GTF2I: variants seen among roughly 807,000 people sequenced by gnomAD.
GTF2I encodes general transcription factor IIi, also known as general transcription factor II-I.
In GTF2I, 12 loss-of-function variants were observed where a neutral mutation model predicts 67.6. That is an observed-to-expected ratio of 0.18 (90% CI 0.11 to 0.29). The LOEUF is 0.29. Among genes scored for constraint, GTF2I ranks in the 10% least tolerant of loss-of-function variants. The pLI is 1.00. For synonymous variants in GTF2I, 149 were observed against 197.0 expected (o/e 0.76, Z 2.04); for missense variants, 271 against 580.1 (o/e 0.47, Z 5.47).
chr7:74,713,397 C>T (rs587602795), intron 9 of GTF2I, among the ~76,000 whole-genome samples: 8 of 151,980 alleles, frequency 5.3e-5, no homozygotes, highest in Middle Eastern at 3.4e-3. Flanking sequence ...CAATGATATA[C>T]GTCTAGCTGA....
intron 8 of GTF2I, 110 bp downstream of exon 8, chr7:74,706,543 A>G: frequency 1.3e-6 from 1 of 790,102 alleles, no homozygotes; most frequent in Non-Finnish European, 2.2e-6. Flanking sequence ...AGAAAGAGGC[A>G]GTCACTACTA....
At chr7:74,672,560 CA>C (rs1168165931) in intron 1 of GTF2I, among the ~76,000 whole-genome samples, 1 of 149,694 alleles carries the variant, frequency 6.7e-6, no homozygotes, top group African/African-American at 2.5e-5. Flanking sequence ...AACAAACAAA[CA>C]AAAAAAAACA....
intron 1 of GTF2I, among the ~76,000 whole-genome samples, chr7:74,681,256 G>A (rs781840263): frequency 9.2e-5 from 14 of 151,978 alleles, no homozygotes; most frequent in Admixed American, 2.0e-4. Flanking sequence ...CCAACATGAC[G>A]AAACCCCATC....
At chr7:74,665,895 G>A (rs893280638) in intron 1 of GTF2I, among the ~76,000 whole-genome samples, 1 of 152,118 alleles carries the variant, frequency 6.6e-6, no homozygotes, top group African/African-American at 2.4e-5. Flanking sequence ...GTGCAGTGGC[G>A]GGATCCCAGC....
chr7:74,712,159 C>T (rs1222485179), intron 9 of GTF2I, among the ~76,000 whole-genome samples: 1 of 152,020 alleles, frequency 6.6e-6, no homozygotes, highest in Non-Finnish European at 1.5e-5. Flanking sequence ...CCATGTTGGC[C>T]AGGCTGGTCT....
chr7:74,719,078 A>T, intron 12 of GTF2I, 137 bp downstream of exon 12: 1 of 522,402 alleles, frequency 1.9e-6, no homozygotes, highest in South Asian at 3.0e-5. Flanking sequence ...TGTGTGGCCA[A>T]AGCAGCCCAC....
chr7:74,693,370 G>T (rs587633935), intron 3 of GTF2I, among the ~76,000 whole-genome samples: 1 of 141,280 alleles, frequency 7.1e-6, no homozygotes, highest in East Asian at 2.1e-4. Flanking sequence ...CTGCCTCCTT[G>T]GTTCAAGGTA....
chr7:74,676,614 TA>T (rs1467071913), intron 1 of GTF2I, among the ~76,000 whole-genome samples: 2 of 152,174 alleles, frequency 1.3e-5, no homozygotes, highest in Non-Finnish European at 2.9e-5. Context: ...AACATTAAGA[TA>T]TTTACAAAGT....
intron 14 of GTF2I, among the ~76,000 whole-genome samples, chr7:74,732,073 T>G (rs1302374966): frequency 6.7e-6 from 1 of 148,312 alleles, no homozygotes; most frequent in Non-Finnish European, 1.5e-5. Context: ...ATACATGTAA[T>G]AAATGCTTCC....
rs1485027202 is a variant in GTF2I, at chr7:74,694,277, C to T, written c.238+3166C>T. Among the ~76,000 whole-genome samples, 9 of 152,208 alleles carry T rather than the reference C, an allele frequency of 5.9e-5. No individual in the cohort carries two copies. The South Asian group carries it at 1.2e-3, about 21-fold the overall frequency. On this transcript the variant is annotated intron_variant, in intron 3 of 34. Transcript: ENST00000573035. ...AAAATTGGAAGCTAGCAGAGGTTGG[C>T]TCATGAGGTTTAAGGAAAGACACAG...
intron 6 of GTF2I, among the ~76,000 whole-genome samples, chr7:74,702,174 TG>T (rs1789867316): frequency 2.0e-5 from 3 of 152,318 alleles, no homozygotes; most frequent in Admixed American, 1.3e-4. Flanking sequence ...TGATATCTCT[TG>T]GATATTTACG....
At chr7:74,690,911 C>T (rs1235886792) in intron 2 of GTF2I, 62 bp from the exon 3 acceptor site, 35 of 1,467,684 alleles carry the variant, frequency 2.4e-5, no homozygotes, top group African/African-American at 4.3e-5. Flanking sequence ...TTTAATTCAT[C>T]GAGCAGAAAT....
chr7:74,706,895 G>A (rs587631476), intron 8 of GTF2I, among the ~76,000 whole-genome samples: 8 of 152,220 alleles, frequency 5.3e-5, no homozygotes, highest in African/African-American at 1.9e-4. Context: ...TTGTCACCCA[G>A]ACTGAAGTGC....
intron 1 of GTF2I, among the ~76,000 whole-genome samples, chr7:74,671,130 A>T (rs1451961843): frequency 8.3e-6 from 1 of 120,188 alleles, no homozygotes; most frequent in Non-Finnish European, 1.6e-5. Flanking sequence ...TCTGTTGCCC[A>T]GGGTGGAGTG....
At chr7:74,660,759 T>C (rs1804415578) in intron 1 of GTF2I, among the ~76,000 whole-genome samples, 1 of 151,862 alleles carries the variant, frequency 6.6e-6, no homozygotes, top group Admixed American at 6.6e-5. Context: ...GTAGCTGGGA[T>C]TACAGGAGCG....
At chr7:74,720,255 T>TC (rs1284912913) in intron 12 of GTF2I, among the ~76,000 whole-genome samples, 1 of 152,208 alleles carries the variant, frequency 6.6e-6, no homozygotes, top group Admixed American at 6.5e-5. Flanking sequence ...AGTTTTTTTT[T>TC]CTAGCTGCTG....
chr7:74,678,815 A>G (rs1169970850), intron 1 of GTF2I, among the ~76,000 whole-genome samples: 1 of 152,168 alleles, frequency 6.6e-6, no homozygotes, highest in Admixed American at 6.6e-5. Flanking sequence ...TCTGTCACCC[A>G]GGCTGGAGTG....
intron 6 of GTF2I, among the ~76,000 whole-genome samples, chr7:74,702,996 C>A (rs1562961751): frequency 6.6e-6 from 1 of 152,048 alleles, no homozygotes; most frequent in Non-Finnish European, 1.5e-5. Context: ...GTCAGCCTCC[C>A]AAAGTGCTGG....
intron 1 of GTF2I, among the ~76,000 whole-genome samples, chr7:74,674,209 A>G (rs2131228558): frequency 6.6e-6 from 1 of 151,720 alleles, no homozygotes; most frequent in Non-Finnish European, 1.5e-5. Flanking sequence ...AGCTGGGACA[A>G]CAGGCGTGTA....
Sources: gnomAD v4.1 joint callset for allele counts (sites outside exome capture counted in the v4.1 genomes callset) on GRCh38, gnomAD v4.1.1 for gene constraint, MANE v1.5 for transcripts, NCBI Gene and HGNC (gene_info 2026-07-23, HGNC 2026-07-21) for gene names.